EPHA6: variants seen among roughly 807,000 people sequenced by gnomAD.
EPHA6 encodes the protein ephrin type-A receptor 6.
A neutral mutation model predicts 112.0 loss-of-function variants in EPHA6; 50 were observed. The observed-to-expected ratio is 0.45, with a 90% CI of 0.36 to 0.56. The LOEUF (loss-of-function observed/expected upper bound fraction) is 0.56, where lower values mean the gene tolerates loss of function less well. EPHA6 is among the 20% of genes least tolerant of loss of function. EPHA6 has a pLI of 0.00. For synonymous variants in EPHA6, 529 were observed against 490.7 expected (o/e 1.08, Z -1.03); for missense variants, 1,280 against 1,417.4 (o/e 0.90, Z 1.56).
intron 11 of EPHA6, among the ~76,000 whole-genome samples, chr3:97,539,158 T>A (rs1361762547): frequency 6.7e-6 from 1 of 150,204 alleles, no homozygotes; most frequent in Admixed American, 6.7e-5. Context: ...TCTTTCTTTT[T>A]TTTTTTTGAG....
intron 3 of EPHA6, among the ~76,000 whole-genome samples, chr3:97,090,380 T>C (rs182992044): frequency 1.3e-5 from 2 of 152,224 alleles, no homozygotes; most frequent in African/African-American, 4.8e-5. Context: ...TAGATCACAC[T>C]ATAAATTCAC....
rs182485940 is a variant in EPHA6 at position 97,495,198 on chromosome 3, T to G, written c.2200+11139T>G. On this transcript the variant is annotated intron_variant, in intron 10 of 17. Transcript: ENST00000389672. The stretch of plus-strand genomic sequence containing the variant: ...CAGGCCTATTTCTATACTTGTCAAT[T>G]GACTTTATTACTTTTGAGTGCAATA... Among the ~76,000 whole-genome samples, 29 of 152,174 alleles carry G rather than the reference T, an allele frequency of 1.9e-4. No individual in the cohort carries two copies. The East Asian group carries it at 5.4e-3, about 28-fold the overall frequency.
chr3:97,539,066 CCCTTCCTT>C (rs747004303), intron 11 of EPHA6, among the ~76,000 whole-genome samples: 4,112 of 124,012 alleles, frequency 0.033, 183 homozygotes, highest in Admixed American at 0.095. Flanking sequence ...TCTCTTTCTT[CCCTTCCTT>C]CCTTCCTTCC....
chr3:97,733,808 A>G (rs932050247), intron 15 of EPHA6, among the ~76,000 whole-genome samples: 2 of 152,092 alleles, frequency 1.3e-5, no homozygotes, highest in Admixed American at 6.6e-5. Flanking sequence ...TTAGGATCCA[A>G]GTAAAAACAT....
rs1378229655 is a variant in EPHA6, at chr3:97,751,792, CACAT to C, written c.*3094_*3097del. On this transcript the variant is annotated 3_prime_UTR_variant, in exon 18 of 18. Coordinates refer to ENST00000389672, the MANE Select transcript of EPHA6 (RefSeq NM_001080448.3). ...GATACCTAAAATATGCATATAGACT[CACAT>C]ACCTACTTTATTTTAAATGTCTTGA... Among the ~76,000 whole-genome samples the C allele has an allele frequency of 6.6e-6, 1 of 152,110 alleles. No homozygotes were observed. The highest frequency in any genetic ancestry group is 2.4e-5 in the African/African-American group (1 of 41,424).
chr3:97,470,870 A>G (rs901347368), intron 7 of EPHA6, among the ~76,000 whole-genome samples: 1 of 151,780 alleles, frequency 6.6e-6, no homozygotes, highest in Non-Finnish European at 1.5e-5. Flanking sequence ...TAACAATTAA[A>G]CAAAGGATCA....
At chr3:97,500,205 C>T (rs2092080982) in intron 10 of EPHA6, among the ~76,000 whole-genome samples, 1 of 152,126 alleles carries the variant, frequency 6.6e-6, no homozygotes, top group South Asian at 2.1e-4. Context: ...TCTTTTGTCA[C>T]ACTGGAAGGT....
intron 5 of EPHA6, among the ~76,000 whole-genome samples, chr3:97,314,897 TGCATCTTTATCTA>T (rs2081741734): frequency 6.6e-6 from 1 of 151,786 alleles, no homozygotes; most frequent in East Asian, 1.9e-4. Flanking sequence ...TATCACCAGC[TGCATCTTTATCTA>T]GCAAGAGGTG....
rs1311979126 is a variant in EPHA6, at chr3:97,599,587, C to T, written c.2512+6850C>T. Among the ~76,000 whole-genome samples the T allele has an allele frequency of 3.1e-3, 466 of 151,016 alleles. 2 individuals are homozygous for T. The highest frequency in any genetic ancestry group is 0.01 in the African/African-American group (429 of 40,900). ...AGATCAGACAGTTGTAGGTATGCGG[C>T]GTTATTTCTGAGGGCTCTGTTCTGT... On this transcript the variant is annotated intron_variant, in intron 12 of 17. Transcript: ENST00000389672.
intron 3 of EPHA6, among the ~76,000 whole-genome samples, chr3:97,020,189 T>C (rs1361323529): frequency 6.6e-6 from 1 of 152,182 alleles, no homozygotes; most frequent in Non-Finnish European, 1.5e-5. Context: ...GCAATGAAGA[T>C]TGCAACCAGC....
At chr3:97,090,827 A>AT (rs2047041670) in intron 3 of EPHA6, among the ~76,000 whole-genome samples, 1 of 152,222 alleles carries the variant, frequency 6.6e-6, no homozygotes, top group South Asian at 2.1e-4. Flanking sequence ...GTTGAGATTT[A>AT]TTTTTTAAAT....
At chr3:97,036,446 CATT>C (rs1195386472) in intron 3 of EPHA6, among the ~76,000 whole-genome samples, 1 of 151,980 alleles carries the variant, frequency 6.6e-6, no homozygotes, top group African/African-American at 2.4e-5. Context: ...AGAGCAAAAT[CATT>C]ATTAAAAACT....
At chr3:97,154,706 A>G in intron 3 of EPHA6, among the ~76,000 whole-genome samples, 1 of 152,152 alleles carries the variant, frequency 6.6e-6, no homozygotes, top group Non-Finnish European at 1.5e-5. Flanking sequence ...ACTATTATGC[A>G]TCTGTTTACT....
chr3:97,597,580 T>C (rs1206447347), intron 12 of EPHA6, among the ~76,000 whole-genome samples: 1 of 152,190 alleles, frequency 6.6e-6, no homozygotes, highest in Non-Finnish European at 1.5e-5. Flanking sequence ...AACCCAGATT[T>C]CTATAAACCA....
chr3:97,513,311 G>A (rs1470730780), intron 10 of EPHA6, among the ~76,000 whole-genome samples: 1 of 152,096 alleles, frequency 6.6e-6, no homozygotes, highest in Non-Finnish European at 1.5e-5. Context: ...ATATCCAAAG[G>A]AAATGAATTC....
At chr3:96,923,155 C>G (rs545471080) in intron 2 of EPHA6, among the ~76,000 whole-genome samples, 1 of 152,170 alleles carries the variant, frequency 6.6e-6, no homozygotes, top group East Asian at 1.9e-4. Context: ...GGTGTATACC[C>G]AGTAATGGGA....
intron 2 of EPHA6, among the ~76,000 whole-genome samples, chr3:96,889,904 A>G (rs2037854581): frequency 6.6e-6 from 1 of 152,166 alleles, no homozygotes; most frequent in Non-Finnish European, 1.5e-5. Context: ...GATTTACAAG[A>G]TGGTATTGCA....
At chr3:97,648,391 G>T in intron 14 of EPHA6, 1 of 1,541,226 alleles carries the variant, frequency 6.5e-7, no homozygotes, top group African/African-American at 1.4e-5. Flanking sequence ...CCCAACTGGA[G>T]ATAATTATAA....
At chr3:96,974,690 G>A (rs1056394339) in intron 2 of EPHA6, among the ~76,000 whole-genome samples, 68 of 151,920 alleles carry the variant, frequency 4.5e-4, no homozygotes, top group African/African-American at 1.6e-3. Context: ...TTCATTTTAT[G>A]AATCCTTTTT....
Sources: gnomAD v4.1 joint callset for allele counts (sites outside exome capture counted in the v4.1 genomes callset) on GRCh38, gnomAD v4.1.1 for gene constraint, MANE v1.5 for transcripts, NCBI Gene and HGNC (gene_info 2026-07-23, HGNC 2026-07-21) for gene names.